IFT122: variants seen among roughly 807,000 people sequenced by gnomAD.
IFT122 encodes intraflagellar transport protein 122 homolog.
A neutral mutation model predicts 161.6 loss-of-function variants in IFT122; 118 were observed. The observed-to-expected ratio is 0.73, with a 90% CI of 0.63 to 0.85. The LOEUF (loss-of-function observed/expected upper bound fraction) is 0.85. Ranked by LOEUF, IFT122 falls within the 40% of genes least tolerant of loss-of-function variation. IFT122 has a pLI of 0.00. For missense variants in IFT122, 1,381 were observed against 1,579.6 expected (o/e 0.87, Z 2.13); for synonymous variants, 550 against 602.4 (o/e 0.91, Z 1.27).
At chr3:129,482,107 A>C (rs1395437869) in intron 14 of IFT122, among the ~76,000 whole-genome samples, 1 of 152,220 alleles carries the variant, frequency 6.6e-6, no homozygotes, top group African/African-American at 2.4e-5. Context: ...ATGCGCACCT[A>C]CAGCGTGGGA....
intron 16 of IFT122, 107 bp from the exon 17 acceptor site, chr3:129,492,034 C>T: frequency 1.2e-6 from 1 of 845,380 alleles, no homozygotes; most frequent in African/African-American, 1.7e-5. Flanking sequence ...CCTTCCTCTC[C>T]TCTGTGGCTC....
At chr3:129,517,170 C>T (rs564081614) in intron 26 of IFT122, among the ~76,000 whole-genome samples, 30 of 142,952 alleles carry the variant, frequency 2.1e-4, no homozygotes, top group African/African-American at 8.0e-4. Flanking sequence ...GAGACTGCCT[C>T]TGCACACACA....
chr3:129,476,183 G>A, intron 9 of IFT122, 132 bp from the exon 10 acceptor site: 1 of 924,000 alleles, frequency 1.1e-6, no homozygotes, highest in East Asian at 2.6e-5. Context: ...GATGACACAG[G>A]AGAAAAGGCT....
intron 23 of IFT122, among the ~76,000 whole-genome samples, chr3:129,510,672 C>T (rs1392640577): frequency 6.6e-6 from 1 of 152,182 alleles, no homozygotes; most frequent in Non-Finnish European, 1.5e-5. Context: ...GGGCTGAGGG[C>T]TCCTGTCTCT....
intron 18 of IFT122, among the ~76,000 whole-genome samples, chr3:129,498,784 C>T (rs536172097): frequency 6.6e-6 from 1 of 152,312 alleles, no homozygotes; most frequent in Admixed American, 6.5e-5. Context: ...GTACTCTCCA[C>T]AGGGTACATT....
intron 19 of IFT122, 77 bp from the exon 20 acceptor site, chr3:129,502,634 C>A: frequency 6.5e-7 from 1 of 1,540,572 alleles, no homozygotes; most frequent in Non-Finnish European, 8.9e-7. Context: ...CACTGGGGAC[C>A]ACAGAATGAA....
chr3:129,497,359 G>GT (rs1448515376), intron 18 of IFT122, among the ~76,000 whole-genome samples: 1 of 152,230 alleles, frequency 6.6e-6, no homozygotes, highest in Non-Finnish European at 1.5e-5. Context: ...AGGCTCTTCG[G>GT]TTTGCCAAAC....
intron 16 of IFT122, 105 bp from the exon 17 acceptor site, chr3:129,492,036 C>T: frequency 1.2e-6 from 1 of 851,124 alleles, no homozygotes; most frequent in East Asian, 2.4e-5. Context: ...TTCCTCTCCT[C>T]TGTGGCTCAC....
At chr3:129,464,952 TG>T (rs2076558410) in intron 7 of IFT122, among the ~76,000 whole-genome samples, 171 bp downstream of exon 7, 1 of 152,038 alleles carries the variant, frequency 6.6e-6, no homozygotes, top group Non-Finnish European at 1.5e-5. Context: ...TACCTGAGAA[TG>T]TATGGAATTT....
chr3:129,453,289 T>C (rs2075071874), intron 3 of IFT122, among the ~76,000 whole-genome samples: 1 of 152,068 alleles, frequency 6.6e-6, no homozygotes, highest in Non-Finnish European at 1.5e-5. Flanking sequence ...AATTCCATTT[T>C]TTTTTTCTTC....
chr3:129,443,339 A>G (rs2073520853), intron 1 of IFT122, among the ~76,000 whole-genome samples: 1 of 152,212 alleles, frequency 6.6e-6, no homozygotes, highest in Non-Finnish European at 1.5e-5. Context: ...TATCTCTGCA[A>G]TGGAATCTGA....
intron 1 of IFT122, among the ~76,000 whole-genome samples, chr3:129,444,104 C>T (rs1420440287): frequency 6.6e-6 from 1 of 152,222 alleles, no homozygotes; most frequent in Non-Finnish European, 1.5e-5. Context: ...CTGGCTTGTG[C>T]ACCCCGTGAG....
Position 129,520,494 on chromosome 3 carries a change from A to T in IFT122, c.*229A>T, listed in dbSNP as rs1391375588. On this transcript the variant is annotated 3_prime_UTR_variant, in exon 30 of 30. Transcript: ENST00000348417. ...GTACATATATTTTCTAAGGAAAAAA[A>T]TCTGTTACTTTCAGAACGGCTCCGA... 1 of 608,530 alleles carries T rather than the reference A, an allele frequency of 1.6e-6. No homozygotes were observed. Among genetic ancestry groups the T allele is most frequent in the African/African-American group, 1.8e-5 (1 of 54,400 alleles). The allele number at this position is 608,530 out of a possible 1,614,324, so 37.7% of individuals were successfully genotyped here.
intron 3 of IFT122, chr3:129,457,798 T>C (rs9865481): frequency 0.23 from 34,360 of 147,100 alleles, 6,171 homozygotes; most frequent in East Asian, 0.49. Context: ...TGCAGTGGCG[T>C]GATCTCGGCT....
intron 22 of IFT122, among the ~76,000 whole-genome samples, chr3:129,507,313 T>C (rs1269326011): frequency 2.0e-5 from 3 of 152,258 alleles, no homozygotes; most frequent in African/African-American, 7.2e-5. Flanking sequence ...ACAGTTGGTG[T>C]CTGCCTGCCT....
At chr3:129,484,127 A>C (rs1054108694) in intron 15 of IFT122, among the ~76,000 whole-genome samples, 1 of 152,048 alleles carries the variant, frequency 6.6e-6, no homozygotes, top group Non-Finnish European at 1.5e-5. Flanking sequence ...CTGTGAGCCA[A>C]TAAGGGAGCA....
intron 23 of IFT122, among the ~76,000 whole-genome samples, chr3:129,508,942 A>G (rs2082480310): frequency 3.3e-5 from 5 of 152,246 alleles, no homozygotes; most frequent in Admixed American, 3.3e-4. Flanking sequence ...TTTGCTGAGC[A>G]TACTTCTCAA....
chr3:129,463,751 CT>C lies in IFT122; in HGVS notation c.416+131del, dbSNP rs1183299157. On this transcript the variant is annotated intron_variant, in intron 6 of 29. Transcript: ENST00000348417. ...TAGTTGGTTTAGGCCCCTGTATTTC[CT>C]TTTTTCTTCTTTCTTCGTCTCCTCG... is the stretch of plus-strand genomic sequence containing the variant. 1.2e-5 allele frequency: 9 copies of C among 727,900 alleles called. No individual in the cohort carries two copies. In the Admixed American group the frequency reaches 1.7e-4, roughly 14 times the overall value. The allele number at this position is 727,900 out of a possible 1,614,324, so 45.1% of individuals were successfully genotyped here.
chr3:129,520,080 AG>A, intron 29 of IFT122, 95 bp from the exon 30 acceptor site: 1 of 1,013,256 alleles, frequency 9.9e-7, no homozygotes, highest in Non-Finnish European at 1.5e-6. Flanking sequence ...ACCACTGCCA[AG>A]CCCCCTCCCC....
Sources: allele counts gnomAD v4.1 joint callset (sites outside exome capture counted in the v4.1 genomes callset), GRCh38; gene constraint gnomAD v4.1.1; transcripts MANE v1.5; gene names NCBI Gene and HGNC (gene_info 2026-07-23, HGNC 2026-07-21).